Variants in KLHL29 observed in about 807,000 individuals in gnomAD.
KLHL29 encodes kelch-like protein 29.
A neutral mutation model predicts 80.4 loss-of-function variants in KLHL29; 21 were observed. The observed-to-expected ratio is 0.26, with a 90% CI of 0.19 to 0.38. The LOEUF (loss-of-function observed/expected upper bound fraction) is 0.38, where lower values mean the gene tolerates loss of function less well. KLHL29 is among the 10% of genes least tolerant of loss of function. The pLI is 1.00. For missense variants in KLHL29, 867 were observed against 1,223.9 expected (o/e 0.71, Z 4.35); for synonymous variants, 511 against 526.8 (o/e 0.97, Z 0.41).
intron 3 of KLHL29, among the ~76,000 whole-genome samples, chr2:23,584,853 C>T (rs187082670): frequency 2.8e-4 from 43 of 152,342 alleles, no homozygotes; most frequent in Admixed American, 8.5e-4. Context: ...TCTCCTGCCT[C>T]AGCCTCCTGA....
chr2:23,442,805 G>T (rs1663569024), intron 1 of KLHL29, among the ~76,000 whole-genome samples: 1 of 152,194 alleles, frequency 6.6e-6, no homozygotes, highest in African/African-American at 2.4e-5. Context: ...ATGTTTGGTT[G>T]GGGGTGTCAC....
intron 3 of KLHL29, among the ~76,000 whole-genome samples, chr2:23,585,266 G>C (rs1386876814): frequency 2.0e-5 from 3 of 152,252 alleles, no homozygotes; most frequent in Non-Finnish European, 4.4e-5. Flanking sequence ...TAAGAAAGGA[G>C]ATGGATTACA....
At chr2:23,452,038 G>C (rs1354668879) in intron 1 of KLHL29, among the ~76,000 whole-genome samples, 1 of 151,888 alleles carries the variant, frequency 6.6e-6, no homozygotes, top group African/African-American at 2.4e-5. Flanking sequence ...CTTGAAATAG[G>C]TCTTGCATTT....
chr2:23,704,180 C>T (rs897568275), intron 13 of KLHL29, among the ~76,000 whole-genome samples: 3 of 152,252 alleles, frequency 2.0e-5, no homozygotes, highest in African/African-American at 7.2e-5. Flanking sequence ...CCACCTGCCC[C>T]ATCACAGACA....
chr2:23,435,492 C>G (rs529322906), intron 1 of KLHL29, among the ~76,000 whole-genome samples: 3 of 152,002 alleles, frequency 2.0e-5, no homozygotes, highest in Non-Finnish European at 4.4e-5. Context: ...ACAGTCATAG[C>G]GTGACAAAGA....
At chr2:23,528,513 G>A (rs947341859) in intron 2 of KLHL29, among the ~76,000 whole-genome samples, 1 of 152,182 alleles carries the variant, frequency 6.6e-6, no homozygotes, top group Non-Finnish European at 1.5e-5. Context: ...TGTACAGGAC[G>A]AGGCCACGCG....
intron 1 of KLHL29, among the ~76,000 whole-genome samples, chr2:23,418,641 G>A (rs1662680001): frequency 6.6e-6 from 1 of 152,188 alleles, no homozygotes; most frequent in Non-Finnish European, 1.5e-5. Flanking sequence ...CCGGGGGAGG[G>A]TAGTAAGGGA....
At chr2:23,643,048 C>G in intron 5 of KLHL29, 198 bp downstream of exon 5, 1 of 720,936 alleles carries the variant, frequency 1.4e-6, no homozygotes, top group Non-Finnish European at 2.5e-6. Context: ...GTGTGGAGGG[C>G]GGGACAAACA....
At chr2:23,513,275 T>G (rs540310841) in intron 2 of KLHL29, among the ~76,000 whole-genome samples, 34 of 152,304 alleles carry the variant, frequency 2.2e-4, no homozygotes, top group Non-Finnish European at 4.0e-4. Context: ...AACAATCTTA[T>G]AGAAATCTGC....
chr2:23,658,717 G>A (rs918799840), intron 5 of KLHL29, among the ~76,000 whole-genome samples: 3 of 152,208 alleles, frequency 2.0e-5, no homozygotes, highest in South Asian at 2.1e-4. Flanking sequence ...GCGGAATTGA[G>A]TGCAGAGGCA....
At chr2:23,386,651 C>A (rs1263725785) in intron 1 of KLHL29, among the ~76,000 whole-genome samples, 2 of 152,106 alleles carry the variant, frequency 1.3e-5, no homozygotes, top group South Asian at 2.1e-4. Flanking sequence ...GGGCTCGCGT[C>A]CCGGTCTCCG....
chr2:23,549,477 A>T (rs954523838), intron 2 of KLHL29, among the ~76,000 whole-genome samples: 1 of 151,834 alleles, frequency 6.6e-6, no homozygotes, highest in African/African-American at 2.4e-5. Context: ...TTTTTTAATT[A>T]AATTAAATTA....
chr2:23,393,455 C>T (rs188882213), intron 1 of KLHL29, among the ~76,000 whole-genome samples: 3 of 152,160 alleles, frequency 2.0e-5, no homozygotes, highest in Non-Finnish European at 4.4e-5. Flanking sequence ...TCTGAGCATC[C>T]GTGCCGTCTG....
chr2:23,666,508 A>C (rs1003972613), intron 5 of KLHL29, among the ~76,000 whole-genome samples: 6 of 152,206 alleles, frequency 3.9e-5, no homozygotes, highest in Non-Finnish European at 8.8e-5. Context: ...CAGGTTGCAG[A>C]AGTTGCTTAT....
In KLHL29 at chr2:23,691,893, CAT is replaced by C; in HGVS notation, c.1282+20_1282+21del. On this transcript the variant is annotated intron_variant, in intron 7 of 13. Coordinates refer to ENST00000486442, the MANE Select transcript of KLHL29 (RefSeq NM_052920.2). Reference sequence around the variant, plus strand: ...CCTTTCTCGGTGAGCCCGGGGGCCACATATGTCGCTTGGGGGGAAGAGTGCAG... The same window carrying C: ...CCTTTCTCGGTGAGCCCGGGGGCCACATGTCGCTTGGGGGGAAGAGTGCAG... 1 of 1,546,152 alleles carries C rather than the reference CAT, an allele frequency of 6.5e-7. No homozygotes were observed.
chr2:23,577,239 C>T (rs1667865324), intron 3 of KLHL29, among the ~76,000 whole-genome samples: 1 of 152,214 alleles, frequency 6.6e-6, no homozygotes, highest in Non-Finnish European at 1.5e-5. Flanking sequence ...CACCTGAGGT[C>T]AGGAGTTCGA....
At chr2:23,535,908 T>C (rs1050357852) in intron 2 of KLHL29, among the ~76,000 whole-genome samples, 1 of 152,196 alleles carries the variant, frequency 6.6e-6, no homozygotes, top group African/African-American at 2.4e-5. Flanking sequence ...TGGTCGGTTT[T>C]AGGTTTTGTA....
chr2:23,443,939 A>T (rs1220202741), intron 1 of KLHL29, among the ~76,000 whole-genome samples: 1 of 152,198 alleles, frequency 6.6e-6, no homozygotes. Context: ...GGTAACCCTT[A>T]TGTGAGGTAG....
intron 5 of KLHL29, among the ~76,000 whole-genome samples, chr2:23,671,046 G>T (rs931863901): frequency 1.9e-5 from 1 of 52,582 alleles, no homozygotes; most frequent in Non-Finnish European, 5.6e-5. Context: ...CATCCTCCCA[G>T]CTGTGACTCC....
Sources: gnomAD v4.1 joint callset for allele counts (sites outside exome capture counted in the v4.1 genomes callset) on GRCh38, gnomAD v4.1.1 for gene constraint, MANE v1.5 for transcripts, NCBI Gene and HGNC (gene_info 2026-07-23, HGNC 2026-07-21) for gene names.